The following NAV1 variants were observed in gnomAD, a reference collection of about 807,000 sequenced individuals.
NAV1 encodes neuron navigator 1, also known as pore membrane and/or filament interacting like protein 3.
NAV1 carries 18 observed loss-of-function variants against 175.2 expected under a neutral mutation model. That is an observed-to-expected ratio of 0.10 (90% CI 0.07 to 0.15). The LOEUF is 0.15. Among genes scored for constraint, NAV1 ranks in the 10% least tolerant of loss-of-function variants. NAV1 has a pLI of 1.00. For missense variants in NAV1, 1,731 were observed against 2,436.6 expected (o/e 0.71, Z 6.10); for synonymous variants, 897 against 978.7 (o/e 0.92, Z 1.56).
chr1:201,583,954 G>C (rs757290091), intron 1 of NAV1, among the ~76,000 whole-genome samples: 11 of 152,174 alleles, frequency 7.2e-5, no homozygotes, highest in Non-Finnish European at 1.3e-4. Context: ...TACTCTCTCT[G>C]TACTCCAACT....
intron 1 of NAV1, among the ~76,000 whole-genome samples, chr1:201,666,618 C>G (rs1376974360): frequency 6.6e-6 from 1 of 152,192 alleles, no homozygotes; most frequent in Non-Finnish European, 1.5e-5. Flanking sequence ...CCCTCCATGC[C>G]TATCTCCCCA....
chr1:201,807,581 C>G lies in NAV1; in HGVS notation c.3649-372C>G, dbSNP rs904565436. 1.3e-5 allele frequency among the ~76,000 whole-genome samples: 2 copies of G among 152,204 alleles called. No individual in the cohort carries two copies. The highest frequency in any genetic ancestry group is 2.9e-5 in the Non-Finnish European group (2 of 68,022). ...CTGTCCCCATCAGGGGCACAATTCCCCCTATGAGCAAGAGAACACCCAGGA... is the reference window on the plus strand; with the variant it reads ...CTGTCCCCATCAGGGGCACAATTCCGCCTATGAGCAAGAGAACACCCAGGA... On this transcript the variant is annotated intron_variant, in intron 17 of 29. Transcript: ENST00000367296. This position sits in a 1 kb window ranked among gnomAD's most constrained non-coding sequence, Gnocchi z 5.4.
exon 30 of NAV1, chr1:201,824,125 GT>G (rs1227236966): frequency 6.6e-6 from 1 of 152,208 alleles, no homozygotes; most frequent in Non-Finnish European, 1.5e-5. Context: ...CAGGGAATAA[GT>G]GCTGAAGTGA....
rs983039868 is a variant in NAV1 at position 201,564,512 on chromosome 1, G to A, written c.-143-24027G>A. Among the ~76,000 whole-genome samples, 7 of 152,310 alleles carry A rather than the reference G, an allele frequency of 4.6e-5. No individual in the cohort carries two copies. The East Asian group carries it at 1.3e-3, about 29-fold the overall frequency. On this transcript the variant is annotated intron_variant, in intron 1 of 33. Coordinates refer to the NAV1 transcript ENST00000685211. The stretch of plus-strand genomic sequence containing the variant: ...CACCTGTAGTCCCAGCTATTTGGGA[G>A]GCTGAGGCAAGAAAATTGCTTGAAC...
intron 1 of NAV1, among the ~76,000 whole-genome samples, chr1:201,544,026 G>C (rs1399052553): frequency 1.3e-5 from 2 of 152,216 alleles, no homozygotes; most frequent in Non-Finnish European, 2.9e-5. Flanking sequence ...ACTGATTGCT[G>C]GTCATCCTGA....
chr1:201,632,757 A>T (rs1039601620), intron 2 of NAV1, among the ~76,000 whole-genome samples: 3 of 152,208 alleles, frequency 2.0e-5, no homozygotes, highest in Non-Finnish European at 4.4e-5. Context: ...GGGTTGATAT[A>T]TAGAGAGAAT....
chr1:201,676,571 A>T (rs1470701994), intron 1 of NAV1, among the ~76,000 whole-genome samples: 1 of 150,758 alleles, frequency 6.6e-6, no homozygotes, highest in Non-Finnish European at 1.5e-5. Flanking sequence ...CGCAGGAAAT[A>T]GTTTCACCCC....
At chr1:201,599,310 G>A (rs1667454579) in intron 2 of NAV1, among the ~76,000 whole-genome samples, 1 of 152,204 alleles carries the variant, frequency 6.6e-6, no homozygotes, top group Non-Finnish European at 1.5e-5. Context: ...TTTTCAGTGG[G>A]AACAGAGAAC....
chr1:201,770,707 T>A (rs1195280335), intron 3 of NAV1, among the ~76,000 whole-genome samples: 2 of 152,146 alleles, frequency 1.3e-5, no homozygotes, highest in Non-Finnish European at 2.9e-5. Flanking sequence ...CTGAATTTCC[T>A]ACAAACTTTT....
chr1:201,812,372 A>G lies in NAV1; in HGVS notation c.5025-93A>G, dbSNP rs543862356. 17 of 1,260,418 alleles carry G rather than the reference A, an allele frequency of 1.3e-5. No homozygotes were observed. The East Asian group carries it at 4.0e-4, about 29-fold the overall frequency. The allele number at this position is 1,260,418 out of a possible 1,614,324, so 78.1% of individuals were successfully genotyped here. ...AGAAACCAAGTAGGCATTAGTGAGA[A>G]GCAGGCAGAAGGAGGGACAGACTGG... On this transcript the variant is annotated intron_variant, in intron 26 of 29. Coordinates refer to ENST00000367296, the Ensembl canonical transcript of NAV1. The surrounding 1 kb of genome is among the most constrained non-coding windows in gnomAD (Gnocchi z 4.6).
chr1:201,793,977 T>C, intron 14 of NAV1, 102 bp downstream of exon 18: 1 of 963,312 alleles, frequency 1.0e-6, no homozygotes. Flanking sequence ...TGAATGCCAG[T>C]TTCTCCCCAC....
At chr1:201,774,672 C>T (rs544750238) in intron 3 of NAV1, among the ~76,000 whole-genome samples, 4 of 152,162 alleles carry the variant, frequency 2.6e-5, no homozygotes, top group Non-Finnish European at 4.4e-5. Context: ...TGTAATTTGA[C>T]TTTGGAACTC....
exon 1 of NAV1, chr1:201,648,329 CG>C: frequency 8.5e-7 from 1 of 1,172,910 alleles, no homozygotes; most frequent in Non-Finnish European, 1.1e-6. Context: ...GGAGGAGCCG[CG>C]GGGCTTCCAT....
chr1:201,817,394 G>A lies in NAV1; in HGVS notation c.5538+109G>A, dbSNP rs1679109776. On this transcript the variant is annotated intron_variant, in intron 29 of 29. Transcript: ENST00000367296. ...CCAGCACTTTGAGAGGCTGAGGTGGGAGGATTGTTTGAGTTCAAAACCAGC... is the reference window on the plus strand; with the variant it reads ...CCAGCACTTTGAGAGGCTGAGGTGGAAGGATTGTTTGAGTTCAAAACCAGC... The A allele has an allele frequency of 7.6e-6, 8 of 1,059,170 alleles. No individual in the cohort carries two copies. The South Asian group carries it at 1.3e-4, about 17-fold the overall frequency. 65.6% of individuals were successfully genotyped at this position (1,059,170 alleles called of 1,614,324 possible).
At chr1:201,734,246 A>G (rs1049631975) in intron 3 of NAV1, among the ~76,000 whole-genome samples, 6 of 151,768 alleles carry the variant, frequency 4.0e-5, no homozygotes, top group African/African-American at 7.3e-5. Flanking sequence ...CTTCTGTACA[A>G]AAAATTTTAA....
chr1:201,693,549 A>G (rs1164279370), intron 1 of NAV1, among the ~76,000 whole-genome samples: 2 of 152,210 alleles, frequency 1.3e-5, no homozygotes, highest in African/African-American at 4.8e-5. Flanking sequence ...CAAAGGCAGT[A>G]TGTGATCGTT....
chr1:201,607,873 TG>T (rs1210937097), intron 2 of NAV1, among the ~76,000 whole-genome samples: 6 of 105,814 alleles, frequency 5.7e-5, no homozygotes, highest in African/African-American at 2.0e-4. Context: ...AACTTTATTG[TG>T]TGTGTGTGTG....
chr1:201,671,150 C>G (rs920956082), intron 1 of NAV1, among the ~76,000 whole-genome samples: 1 of 152,148 alleles, frequency 6.6e-6, no homozygotes, highest in Non-Finnish European at 1.5e-5. Flanking sequence ...TATTACCGAG[C>G]CCAGGACCGT....
exon 21 of NAV1, chr1:201,809,210 A>G: frequency 6.2e-7 from 1 of 1,613,968 alleles, no homozygotes; most frequent in Non-Finnish European, 8.5e-7. Context: ...CAAAGGAGGA[A>G]GTGACCCTCC....
Sources: allele counts gnomAD v4.1 joint callset (sites outside exome capture counted in the v4.1 genomes callset), GRCh38; gene constraint gnomAD v4.1.1; non-coding constraint Gnocchi (gnomAD v3.1); transcripts MANE v1.5; gene names NCBI Gene and HGNC (gene_info 2026-07-23, HGNC 2026-07-21).